DCTN2: variants seen among roughly 807,000 people sequenced by gnomAD.
DCTN2 encodes the protein 50 kDa dynein-associated polypeptide.
A neutral mutation model predicts 55.4 loss-of-function variants in DCTN2; 18 were observed. That is an observed-to-expected ratio of 0.32 (90% CI 0.22 to 0.48). The LOEUF is 0.48. DCTN2 is among the 20% of genes least tolerant of loss of function. The pLI, the probability that DCTN2 is intolerant of heterozygous loss-of-function variation, is 0.99. For synonymous variants in DCTN2, 168 were observed against 185.2 expected, an observed-to-expected ratio of 0.91 and a Z score of 0.76; for missense variants, 390 against 491.0, an observed-to-expected ratio of 0.79 and a Z score of 1.94.
chr12:57,546,945 G>C, intron 1 of DCTN2, 83 bp downstream of exon 1: 1 of 1,118,404 alleles, frequency 8.9e-7, no homozygotes, highest in Non-Finnish European at 1.1e-6. Context: ...GCAGGCGGGA[G>C]GGGTCGCGGG....
rs754080721 is a variant in DCTN2, at chr12:57,530,741, A to G, written c.1154T>C (p.Val385Ala). Residue 385 changes from valine to alanine, a missense_variant, in exon 14 of 14, where the codon GTT (valine) becomes GCT (alanine). Physicochemically the swap from Val to Ala is moderately conservative, Grantham distance 64 (BLOSUM62 0). This residue lies in a region of DCTN2 where 273 missense variants were observed against 303.2 expected (regional missense o/e 0.90). Transcript: ENST00000548249. ...ATCAATGCTGGCAAAGTTCCCCTCA[A>G]CTGTGGCCAGGTTTTCACGCATGGT... ...QTTMRENLAT[V>A]EGNFASIDER... The G allele has an allele frequency of 5.0e-6, 8 of 1,613,872 alleles. No individual in the cohort carries two copies. The highest frequency in any genetic ancestry group is 1.7e-5 in the Admixed American group (1 of 60,020).
intron 6 of DCTN2, 67 bp downstream of exon 6, chr12:57,534,225 C>A: frequency 6.5e-7 from 1 of 1,527,136 alleles, no homozygotes; most frequent in South Asian, 1.3e-5. Flanking sequence ...GCACCCCTGT[C>A]AGTAGCTGGC....
chr12:57,538,227 A>C, intron 2 of DCTN2: 1 of 506,970 alleles, frequency 2.0e-6, no homozygotes, highest in Non-Finnish European at 3.7e-6. Flanking sequence ...CTGCTGTGGG[A>C]GAGTGTCCTG....
chr12:57,546,975 C>G, intron 1 of DCTN2, 53 bp downstream of exon 1: 4 of 1,257,394 alleles, frequency 3.2e-6, no homozygotes, highest in Non-Finnish European at 4.0e-6. Flanking sequence ...GCTGGGGGTC[C>G]TTGGGAGGTC....
rs757824658 is a variant in DCTN2 at position 57,532,751 on chromosome 12, T to C, written c.834A>G (p.Gln278=). The stretch of plus-strand genomic sequence containing the variant: ...TTAATACCTGTAGCCGAGCCTCCAC[T>C]TGATCCAAAACTGCAAGGTCTAGGG... ...VSALDLAVLD[Q]VEARLQSVLG... Residue 278 remains glutamine, a synonymous_variant, in exon 10 of 14, where the codon CAA becomes CAG. Coordinates refer to ENST00000548249, the MANE Select transcript of DCTN2 (RefSeq NM_001261413.2). 3 of 1,613,878 alleles carry C rather than the reference T, an allele frequency of 1.9e-6. No individual in the cohort carries two copies. The highest frequency in any genetic ancestry group is 1.7e-6 in the Non-Finnish European group (2 of 1,179,904).
intron 6 of DCTN2, 24 bp downstream of exon 6, chr12:57,534,268 T>C: frequency 6.4e-7 from 1 of 1,560,854 alleles, no homozygotes; most frequent in Non-Finnish European, 8.7e-7. Flanking sequence ...CAGCAATGAT[T>C]TTTCAACAAA....
At chr12:57,542,479 T>C (rs1249109920) in intron 2 of DCTN2, among the ~76,000 whole-genome samples, 1 of 152,216 alleles carries the variant, frequency 6.6e-6, no homozygotes, top group Admixed American at 6.5e-5. Flanking sequence ...AAGAAAGTTA[T>C]GGAGCAGTGA....
chr12:57,531,251 G>A (rs960268604), intron 13 of DCTN2, among the ~76,000 whole-genome samples: 2 of 152,178 alleles, frequency 1.3e-5, no homozygotes, highest in African/African-American at 4.8e-5. Context: ...GCCAGGTGCA[G>A]TGGCTCACGC....
chr12:57,541,387 A>C (rs1393296001), intron 2 of DCTN2: 15 of 1,599,290 alleles, frequency 9.4e-6, no homozygotes, highest in Admixed American at 1.7e-5. Context: ...TGTCCAGGCA[A>C]GGTGGTGAGG....
rs78242916 is a variant in DCTN2 at position 57,544,248 on chromosome 12, T to C, written c.105+1780A>G. ...CCTTGATACCAAAATCTGCATATGT[T>C]CCCATCTTCTATATAAATTGGCATA... On this transcript the variant is annotated intron_variant, in intron 2 of 13. Coordinates refer to ENST00000548249, the MANE Select transcript of DCTN2 (RefSeq NM_001261413.2). 1,552 of 366,540 alleles carry C rather than the reference T, an allele frequency of 4.2e-3. 25 individuals carry two copies. The highest frequency in any genetic ancestry group is 0.031 in the African/African-American group (1,443 of 47,104). The allele number at this position is 366,540 out of a possible 1,614,324, so 22.7% of individuals were successfully genotyped here.
chr12:57,533,625 G>A (rs1879947160), intron 7 of DCTN2, among the ~76,000 whole-genome samples: 1 of 152,072 alleles, frequency 6.6e-6, no homozygotes, highest in Non-Finnish European at 1.5e-5. Context: ...CAAAAAATGA[G>A]CCGGGCGTGG....
chr12:57,533,112 C>T (rs1879894394), intron 8 of DCTN2, 90 bp from the exon 9 acceptor site: 1 of 1,550,960 alleles, frequency 6.4e-7, no homozygotes, highest in African/African-American at 1.4e-5. Context: ...GCTGGGAACC[C>T]ACTAGCTGAT....
Position 57,533,231 on chromosome 12 carries a change from A to C in DCTN2, c.735+7T>G, listed in dbSNP as rs776926470. 3 of 1,613,842 alleles carry C rather than the reference A, an allele frequency of 1.9e-6. No homozygotes were observed. The highest frequency in any genetic ancestry group is 3.3e-5 in the Admixed American group (2 of 60,012). On this transcript the variant is annotated splice_region_variant and intron_variant, in intron 8 of 13. Transcript: ENST00000548249. ...AGGCTCAGATTATGTACAGGAGAAC[A>C]CCTGACCTGAGCATCCTGATCACAA...
chr12:57,535,040 G>C lies in DCTN2; in HGVS notation c.363+16C>G, dbSNP rs1288802324. On this transcript the variant is annotated intron_variant, in intron 5 of 13. Transcript: ENST00000548249. ...GTAAGTCACAGCAGAGAAGGGAGAAGAGAGTTTGTAGTTACCTTGATTTTT... is the reference window on the plus strand; with the variant it reads ...GTAAGTCACAGCAGAGAAGGGAGAACAGAGTTTGTAGTTACCTTGATTTTT... The C allele has an allele frequency of 1.3e-6, 2 of 1,593,672 alleles. No homozygotes were observed. Among genetic ancestry groups the C allele is most frequent in the Non-Finnish European group, 1.7e-6 (2 of 1,162,598 alleles).
chr12:57,533,887 A>G, intron 7 of DCTN2, 66 bp downstream of exon 7: 1 of 1,497,314 alleles, frequency 6.7e-7, no homozygotes, highest in Non-Finnish European at 8.9e-7. Flanking sequence ...CCTTGGAGAG[A>G]GGCAGGAAAA....
At chr12:57,532,382 A>G (rs1230679397) in intron 11 of DCTN2, 67 bp from the exon 12 acceptor site, 5 of 1,412,222 alleles carry the variant, frequency 3.5e-6, no homozygotes, top group East Asian at 2.5e-5. Flanking sequence ...ACAGACTGCT[A>G]TTTCACCGTA....
In DCTN2 at chr12:57,530,794, G is replaced by T; in HGVS notation, c.1120-19C>A. ...TCTGCACCTACAAAGTGGTAGAGAG[G>T]TTTTACTCTTTGTCAGGTCCAGTTG... On this transcript the variant is annotated intron_variant, in intron 13 of 13. Coordinates refer to ENST00000548249, the MANE Select transcript of DCTN2 (RefSeq NM_001261413.2). The T allele has an allele frequency of 6.2e-7, 1 of 1,601,428 alleles. No homozygotes were observed. The highest frequency in any genetic ancestry group is 8.6e-7 in the Non-Finnish European group (1 of 1,168,820).
rs539693925 is a variant in DCTN2 at position 57,540,600 on chromosome 12, A to G, written c.106-4755T>C. Among the ~76,000 whole-genome samples, 15 of 152,334 alleles carry G rather than the reference A, an allele frequency of 9.8e-5. No homozygotes were observed. The South Asian group carries it at 2.9e-3, about 29-fold the overall frequency. ...CTCAGAGGGCAAGATCTGAGGTTCT[A>G]AATCAGACAGGGAAAGTGGCCACTG... On this transcript the variant is annotated intron_variant, in intron 2 of 13. Transcript: ENST00000548249.
intron 2 of DCTN2, among the ~76,000 whole-genome samples, chr12:57,541,646 T>C (rs1432719976): frequency 1.3e-5 from 2 of 152,150 alleles, no homozygotes; most frequent in South Asian, 2.1e-4. Flanking sequence ...GAAGCTAAAT[T>C]GTTTCTAATG....
Sources: gnomAD v4.1 joint callset for allele counts (sites outside exome capture counted in the v4.1 genomes callset) on GRCh38, gnomAD v4.1.1 for gene constraint, gnomAD v4.1.1 regional missense constraint, MANE v1.5 for transcripts, NCBI Gene and HGNC (gene_info 2026-07-23, HGNC 2026-07-21) for gene names.